TMEM128: variants seen among roughly 807,000 people sequenced by gnomAD.
The protein encoded by TMEM128 is transmembrane protein 128.
In TMEM128, 16 loss-of-function variants were observed where a neutral mutation model predicts 19.7. The ratio of observed to expected loss-of-function variants is 0.81; its 90% CI spans 0.55 to 1.23. TMEM128 has a LOEUF of 1.23. Among genes scored for constraint, TMEM128 ranks in the 50% most tolerant of loss-of-function variants. TMEM128 has a pLI of 0.00. For missense variants in TMEM128, 237 were observed against 200.8 expected (o/e 1.18, Z -1.09); for synonymous variants, 98 against 75.8 (o/e 1.29, Z -1.52).
At chr4:4,247,454 CAT>C (rs747302266) in intron 1 of TMEM128, 29 of 1,090,792 alleles carry the variant, frequency 2.7e-5, no homozygotes, top group African/African-American at 4.9e-5. Context: ...GGTTTTAAAA[CAT>C]ATGAGATAAA....
chr4:4,237,420 A>C (rs1270086379), intron 4 of TMEM128, among the ~76,000 whole-genome samples: 2 of 152,202 alleles, frequency 1.3e-5, no homozygotes, highest in African/African-American at 4.8e-5. Context: ...CAAAAGAAAG[A>C]GTCTCAGCCC....
chr4:4,244,136 T>C (rs1008297963), intron 2 of TMEM128, among the ~76,000 whole-genome samples: 6 of 152,072 alleles, frequency 3.9e-5, no homozygotes, highest in Admixed American at 1.3e-4. Context: ...CTCCATAAAG[T>C]ATCTGATGAA....
intron 1 of TMEM128, 72 bp downstream of exon 1, chr4:4,248,034 G>C: frequency 6.6e-7 from 1 of 1,522,716 alleles, no homozygotes; most frequent in Non-Finnish European, 8.8e-7. Context: ...ACTGGGCCAG[G>C]GCTGCCGGAG....
chr4:4,246,311 G>T lies in TMEM128; in HGVS notation c.130C>A (p.Pro44Thr), dbSNP rs1276691041. 1 of 1,611,038 alleles carries T rather than the reference G, an allele frequency of 6.2e-7. No homozygotes were observed. The highest frequency in any genetic ancestry group is 2.2e-5 in the East Asian group (1 of 44,722). ...TSTAVEKKEK[P>T]LPRLNIHSGF... Reference sequence around the variant, plus strand: ...GAATGGATATTAAGTCTTGGAAGAGGTTTCTCCTTTTTCTCAACAGCTGTG... The same window carrying T: ...GAATGGATATTAAGTCTTGGAAGAGTTTTCTCCTTTTTCTCAACAGCTGTG... The change falls in exon 2 of 5, where the codon CCT (proline) becomes ACT (threonine). Residue 44 changes from proline (P) to threonine (T), a missense_variant. By Grantham distance (38) the Pro-to-Thr change is conservative. Transcript: ENST00000382753.
intron 3 of TMEM128, among the ~76,000 whole-genome samples, chr4:4,239,415 A>G (rs73082046): frequency 0.17 from 25,349 of 152,176 alleles, 2,198 homozygotes; most frequent in East Asian, 0.3. Flanking sequence ...ATCCCAAACT[A>G]TAAGGATCCA....
chr4:4,241,968 T>A (rs577592097), intron 2 of TMEM128, among the ~76,000 whole-genome samples: 1 of 152,294 alleles, frequency 6.6e-6, no homozygotes, highest in South Asian at 2.1e-4. Flanking sequence ...AGTGCTGCAA[T>A]CTCAGCTCAC....
At chr4:4,238,814 C>T (rs1168240590) in intron 3 of TMEM128, among the ~76,000 whole-genome samples, 2 of 152,140 alleles carry the variant, frequency 1.3e-5, no homozygotes, top group Non-Finnish European at 2.9e-5. Flanking sequence ...AAGCAGATGG[C>T]TTGAGGCCAG....
rs368591661 is a variant in TMEM128 at position 4,246,339 on chromosome 4, G to A, written c.102C>T (p.Thr34=). 18 of 1,597,406 alleles carry A rather than the reference G, an allele frequency of 1.1e-5. No individual in the cohort carries two copies. Among genetic ancestry groups the A allele is most frequent in the African/African-American group, 5.4e-5 (4 of 73,816 alleles). Reference sequence around the variant, plus strand: ...TCTCCTTTTTCTCAACAGCTGTGGAGGTTTCTGCAAATAAGGGAGATTTCA... The same window carrying A: ...TCTCCTTTTTCTCAACAGCTGTGGAAGTTTCTGCAAATAAGGGAGATTTCA... ...LDREGDAGPE[T]STAVEKKEKP... is the part of the protein sequence containing the mutation. The change falls in exon 2 of 5, where the codon ACC becomes ACT. Residue 34 remains threonine (T), a synonymous_variant. Coordinates refer to ENST00000382753, the MANE Select transcript of TMEM128 (RefSeq NM_001297551.2).
At chr4:4,241,500 T>G (rs951429828) in intron 2 of TMEM128, among the ~76,000 whole-genome samples, 8 of 152,180 alleles carry the variant, frequency 5.3e-5, no homozygotes, top group African/African-American at 1.9e-4. Context: ...TCTGCTTCTC[T>G]ATGGGAAAAG....
chr4:4,237,103 A>G (rs1389290438), intron 4 of TMEM128: 1 of 455,738 alleles, frequency 2.2e-6, no homozygotes, highest in East Asian at 7.0e-5. Context: ...AATTCTATAA[A>G]TAACACCAAA....
chr4:4,244,763 C>A (rs1236657706), intron 2 of TMEM128, among the ~76,000 whole-genome samples: 1 of 152,148 alleles, frequency 6.6e-6, no homozygotes, highest in Non-Finnish European at 1.5e-5. Flanking sequence ...CCAGACTCTG[C>A]GCTTCCTATG....
At chr4:4,247,520 C>A in intron 1 of TMEM128, 1 of 1,603,638 alleles carries the variant, frequency 6.2e-7, no homozygotes, top group Non-Finnish European at 8.5e-7. Context: ...ATCTAATCCC[C>A]AGAAGCAACC....
intron 2 of TMEM128, among the ~76,000 whole-genome samples, chr4:4,241,843 G>C (rs923204399): frequency 6.6e-6 from 1 of 152,180 alleles, no homozygotes; most frequent in South Asian, 2.1e-4. Flanking sequence ...GGTCAGCAAA[G>C]TGCTCCTCAC....
At chr4:4,242,635 C>A (rs534553653) in intron 2 of TMEM128, among the ~76,000 whole-genome samples, 1 of 152,086 alleles carries the variant, frequency 6.6e-6, no homozygotes, top group Admixed American at 6.5e-5. Context: ...CCTCCTGCCT[C>A]AGCCTCCTGA....
At chr4:4,241,928 A>G (rs1294127108) in intron 2 of TMEM128, among the ~76,000 whole-genome samples, 1 of 152,114 alleles carries the variant, frequency 6.6e-6, no homozygotes, top group East Asian at 1.9e-4. Flanking sequence ...TCTGAGCCGG[A>G]GTCTTGCTCT....
chr4:4,237,046 G>A (rs1717749399), intron 4 of TMEM128: 1 of 455,044 alleles, frequency 2.2e-6, no homozygotes, highest in South Asian at 1.6e-5. Flanking sequence ...AGCCTCCACT[G>A]TGTAAGGCAG....
chr4:4,245,115 A>G (rs1184063406), intron 2 of TMEM128, among the ~76,000 whole-genome samples: 2 of 152,036 alleles, frequency 1.3e-5, no homozygotes, highest in Non-Finnish European at 2.9e-5. Flanking sequence ...TGGTACTTCC[A>G]AATTATTACT....
intron 2 of TMEM128, among the ~76,000 whole-genome samples, chr4:4,241,952 G>C (rs1190340746): frequency 6.6e-6 from 1 of 152,064 alleles, no homozygotes; most frequent in Non-Finnish European, 1.5e-5. Flanking sequence ...GCCCAGGCTG[G>C]AGTGCAGTGC....
In TMEM128 at chr4:4,248,106, C is replaced by G. The variant is rs1234597230; in HGVS notation, c.97G>C (p.Glu33Gln). 6.5e-7 allele frequency: 1 copy of G among 1,535,852 alleles called. No homozygotes were observed. The highest frequency in any genetic ancestry group is 2.0e-5 in the Admixed American group (1 of 50,636). The change falls in exon 1 of 5, where the codon GAA becomes CAA. Residue 33 changes from glutamate (E) to glutamine (Q), a missense_variant and splice_region_variant. By Grantham distance (29) the Glu-to-Gln change is conservative. Coordinates refer to ENST00000382753, the MANE Select transcript of TMEM128 (RefSeq NM_001297551.2). ...CGGGGCGGCTTGGTGCGCGCCTCACCCGGCCCGGCGTCACCCTCGCGGTCC... is the reference window on the plus strand; with the variant it reads ...CGGGGCGGCTTGGTGCGCGCCTCACGCGGCCCGGCGTCACCCTCGCGGTCC... ...QLDREGDAGPETSTAVEKKEK... is the reference protein window; with the variant it reads ...QLDREGDAGPQTSTAVEKKEK...
Sources: gnomAD v4.1 joint callset for allele counts (sites outside exome capture counted in the v4.1 genomes callset) on GRCh38, gnomAD v4.1.1 for gene constraint, MANE v1.5 for transcripts, NCBI Gene and HGNC (gene_info 2026-07-23, HGNC 2026-07-21) for gene names.